The following NOL4 variants were observed in gnomAD, a reference collection of about 807,000 sequenced individuals.
The protein encoded by NOL4 is cancer/testis antigen 125.
A neutral mutation model predicts 75.9 loss-of-function variants in NOL4; 17 were observed. The ratio of observed to expected loss-of-function variants is 0.22; its 90% CI spans 0.15 to 0.34. The LOEUF is 0.34. Ranked by LOEUF, NOL4 falls within the 10% of genes least tolerant of loss-of-function variation. The pLI is 1.00. For missense variants in NOL4, 614 were observed against 793.5 expected, an observed-to-expected ratio of 0.77 and a Z score of 2.72; for synonymous variants, 292 against 289.9, an observed-to-expected ratio of 1.01 and a Z score of -0.07.
chr18:34,084,655 GA>G (rs2078165467), intron 5 of NOL4, among the ~76,000 whole-genome samples: 1 of 152,118 alleles, frequency 6.6e-6, no homozygotes, highest in African/African-American at 2.4e-5. Flanking sequence ...AGACTGGTAA[GA>G]AAATAATTAC....
At chr18:33,988,436 C>T (rs1047763340) in intron 6 of NOL4, among the ~76,000 whole-genome samples, 11 of 152,136 alleles carry the variant, frequency 7.2e-5, no homozygotes, top group Middle Eastern at 3.4e-3. Flanking sequence ...AAAGATTACT[C>T]AACCCAGGAA....
intron 6 of NOL4, among the ~76,000 whole-genome samples, chr18:33,989,799 A>G (rs1237821734): frequency 2.6e-5 from 4 of 152,172 alleles, no homozygotes; most frequent in African/African-American, 7.2e-5. Flanking sequence ...CTGTGTTACA[A>G]TTTCCTTACT....
At chr18:33,899,468 T>C (rs1009163698) in intron 9 of NOL4, among the ~76,000 whole-genome samples, 10 of 152,258 alleles carry the variant, frequency 6.6e-5, no homozygotes, top group Admixed American at 1.3e-4. Context: ...GACTCACAAT[T>C]TGGGGAAGCC....
chr18:34,105,940 A>G (rs1457294508), intron 2 of NOL4, among the ~76,000 whole-genome samples: 1 of 152,078 alleles, frequency 6.6e-6, no homozygotes. Context: ...CATCAAAGCA[A>G]ATAATTCCTT....
chr18:34,152,213 C>A (rs2081672309), intron 1 of NOL4, among the ~76,000 whole-genome samples: 1 of 151,486 alleles, frequency 6.6e-6, no homozygotes, highest in Non-Finnish European at 1.5e-5. Context: ...GACTAATAAG[C>A]ATAGTTTAAA....
chr18:34,014,899 C>T (rs936751083), intron 6 of NOL4, among the ~76,000 whole-genome samples: 2 of 151,968 alleles, frequency 1.3e-5, no homozygotes, highest in East Asian at 3.9e-4. Flanking sequence ...TTCAATTTTT[C>T]AATGCTTTAT....
chr18:34,161,625 T>C (rs1158352505), intron 1 of NOL4, among the ~76,000 whole-genome samples: 1 of 152,190 alleles, frequency 6.6e-6, no homozygotes, highest in Non-Finnish European at 1.5e-5. Flanking sequence ...CATATACTTG[T>C]TGGCCATTTG....
At chr18:34,091,058 G>C (rs556862526) in intron 5 of NOL4, among the ~76,000 whole-genome samples, 5 of 151,944 alleles carry the variant, frequency 3.3e-5, no homozygotes, top group African/African-American at 9.6e-5. Flanking sequence ...CCTTATAAAA[G>C]GGCTTGATAG....
At chr18:33,926,469 A>G (rs757996978) in intron 9 of NOL4, among the ~76,000 whole-genome samples, 1 of 150,072 alleles carries the variant, frequency 6.7e-6, no homozygotes, top group Non-Finnish European at 1.5e-5. Context: ...GCCTTCTTAG[A>G]TGTCTTCTGA....
chr18:33,928,690 G>GT (rs750070634), intron 9 of NOL4, among the ~76,000 whole-genome samples: 49 of 151,952 alleles, frequency 3.2e-4, no homozygotes, highest in Admixed American at 9.2e-4. Flanking sequence ...TTATTCTAAA[G>GT]TTTTTTTTAA....
intron 10 of NOL4, among the ~76,000 whole-genome samples, chr18:33,862,567 T>C (rs907906178): frequency 2.0e-5 from 3 of 151,892 alleles, no homozygotes; most frequent in Non-Finnish European, 4.4e-5. Flanking sequence ...CTTAAACAAA[T>C]TTACAAGAAA....
chr18:33,879,542 A>T, intron 10 of NOL4, among the ~76,000 whole-genome samples: 1 of 151,996 alleles, frequency 6.6e-6, no homozygotes, highest in African/African-American at 2.4e-5. Context: ...TTAGCCCAGC[A>T]TGGAGGCATG....
chr18:33,920,912 G>C (rs964430597), intron 9 of NOL4, among the ~76,000 whole-genome samples: 3 of 152,216 alleles, frequency 2.0e-5, no homozygotes, highest in Non-Finnish European at 4.4e-5. Context: ...CATTGGCGAA[G>C]AGGTCGCGGC....
intron 9 of NOL4, among the ~76,000 whole-genome samples, chr18:33,902,887 C>A (rs1160225514): frequency 6.6e-6 from 1 of 152,078 alleles, no homozygotes; most frequent in African/African-American, 2.4e-5. Flanking sequence ...AAAATTTCTA[C>A]ATGTATGTAA....
chr18:34,131,431 G>A (rs1181270188), intron 1 of NOL4, among the ~76,000 whole-genome samples: 1 of 151,934 alleles, frequency 6.6e-6, no homozygotes, highest in Non-Finnish European at 1.5e-5. Flanking sequence ...AATTTCATAT[G>A]CCTCCTCCTG....
chr18:33,904,218 G>A lies in NOL4; in HGVS notation c.1543-20794C>T, dbSNP rs10451371. 1.7e-3 allele frequency among the ~76,000 whole-genome samples: 262 copies of A among 152,094 alleles called. 1 individual carries two copies. Among genetic ancestry groups the A allele is most frequent in the African/African-American group, 5.9e-3 (244 of 41,486 alleles). On this transcript the variant is annotated intron_variant, in intron 9 of 10. Coordinates refer to ENST00000261592, the MANE Select transcript of NOL4 (RefSeq NM_003787.5). Reference sequence around the variant, plus strand: ...CTCTCTTTGCCATAGGGGTCCCATCGAGGGATAGTATGGACCTAGGGCAGG... The same window carrying A: ...CTCTCTTTGCCATAGGGGTCCCATCAAGGGATAGTATGGACCTAGGGCAGG...
intron 5 of NOL4, among the ~76,000 whole-genome samples, chr18:34,021,918 C>A (rs538123629): frequency 3.9e-5 from 6 of 152,076 alleles, no homozygotes; most frequent in African/African-American, 1.4e-4. Flanking sequence ...GCCTGGCCAA[C>A]ATGGTGAAAC....
At chr18:33,880,305 C>CTGTGTG (rs61306180) in intron 10 of NOL4, among the ~76,000 whole-genome samples, 12,733 of 144,410 alleles carry the variant, frequency 0.088, 634 homozygotes, top group Admixed American at 0.15. Flanking sequence ...CAAAAGGGGT[C>CTGTGTG]TGTGTGTGTG....
At chr18:33,896,222 C>T (rs2065398992) in intron 9 of NOL4, among the ~76,000 whole-genome samples, 1 of 152,112 alleles carries the variant, frequency 6.6e-6, no homozygotes. Flanking sequence ...AATGGCTCTA[C>T]TGCCCAAAGC....
Sources: allele counts gnomAD v4.1 joint callset (sites outside exome capture counted in the v4.1 genomes callset), GRCh38; gene constraint gnomAD v4.1.1; transcripts MANE v1.5; gene names NCBI Gene and HGNC (gene_info 2026-07-23, HGNC 2026-07-21).